Variants in GRID1 observed in about 807,000 individuals in gnomAD.
GRID1 encodes glutamate ionotropic receptor delta type subunit 1, also known as glutamate receptor ionotropic, delta-1.
Under a neutral mutation model 98.0 loss-of-function variants are expected in GRID1, and 28 were observed. That is an observed-to-expected ratio of 0.29 (90% CI 0.21 to 0.39). The LOEUF is 0.39. Ranked by LOEUF, GRID1 falls within the 10% of genes least tolerant of loss-of-function variation. GRID1 has a pLI of 1.00. For synonymous variants in GRID1, 553 were observed against 538.5 expected (o/e 1.03, Z -0.37); for missense variants, 1,111 against 1,340.5 (o/e 0.83, Z 2.67).
At position 86,294,602 on chromosome 10, in the gene GRID1, G is replaced by A. The variant is rs111760595; in HGVS notation, c.235+69339C>T. 5.9e-5 allele frequency among the ~76,000 whole-genome samples: 9 copies of A among 152,304 alleles called. 1 individual carries two copies. The highest frequency in any genetic ancestry group is 2.2e-4 in the African/African-American group (9 of 41,570). ...CCTGAGCACTGGAGGGAGGGCAGAT[G>A]GAGAAGCCTCACGGGGGCTGGTGTG... On this transcript the variant is annotated intron_variant, in intron 2 of 15. Coordinates refer to ENST00000327946, the MANE Select transcript of GRID1 (RefSeq NM_017551.3).
chr10:85,837,249 C>T (rs1261961366), intron 8 of GRID1, among the ~76,000 whole-genome samples: 2 of 152,196 alleles, frequency 1.3e-5, no homozygotes, highest in South Asian at 4.1e-4. Flanking sequence ...AGAGAAAGCA[C>T]CCAGACCTAT....
chr10:85,682,261 T>C (rs954015101), intron 12 of GRID1, among the ~76,000 whole-genome samples: 11 of 152,118 alleles, frequency 7.2e-5, no homozygotes, highest in Admixed American at 2.0e-4. Flanking sequence ...TTTCCTTCAG[T>C]GAAATGGAAA....
chr10:86,202,010 C>T (rs1197815714), intron 3 of GRID1, among the ~76,000 whole-genome samples: 3 of 152,142 alleles, frequency 2.0e-5, no homozygotes, highest in Non-Finnish European at 4.4e-5. Context: ...ACATATACAT[C>T]GTAACCATGT....
chr10:86,164,404 C>A (rs1472966062), intron 3 of GRID1, among the ~76,000 whole-genome samples: 22 of 152,294 alleles, frequency 1.4e-4, no homozygotes. Flanking sequence ...CAGCCCTGAA[C>A]CCCGCAGCCT....
intron 13 of GRID1, chr10:85,646,361 C>T (rs1419402791): frequency 1.3e-5 from 2 of 152,428 alleles, no homozygotes; most frequent in African/African-American, 4.8e-5. Context: ...AGGACCCCAC[C>T]ACCAGCAGCA....
chr10:86,245,240 G>A (rs780892097), intron 2 of GRID1, among the ~76,000 whole-genome samples: 1 of 152,172 alleles, frequency 6.6e-6, no homozygotes, highest in Non-Finnish European at 1.5e-5. Context: ...GACACTACCC[G>A]CCTGCTTCTC....
chr10:85,886,285 C>A (rs1001446220), intron 5 of GRID1, among the ~76,000 whole-genome samples: 2 of 152,200 alleles, frequency 1.3e-5, no homozygotes, highest in South Asian at 4.1e-4. Flanking sequence ...CATCACACTG[C>A]AAAGATCAGG....
At chr10:85,885,013 A>G (rs1841092114) in intron 5 of GRID1, among the ~76,000 whole-genome samples, 1 of 152,224 alleles carries the variant, frequency 6.6e-6, no homozygotes, top group Non-Finnish European at 1.5e-5. Flanking sequence ...TTAATAAAAG[A>G]TTTCTGTGAA....
intron 4 of GRID1, among the ~76,000 whole-genome samples, chr10:85,999,081 T>C (rs1395438071): frequency 6.6e-6 from 1 of 151,884 alleles, no homozygotes; most frequent in Non-Finnish European, 1.5e-5. Context: ...GATGTGGTGG[T>C]GCACGTCTAT....
intron 4 of GRID1, among the ~76,000 whole-genome samples, chr10:85,994,405 G>A (rs185410278): frequency 2.0e-5 from 3 of 152,114 alleles, no homozygotes; most frequent in African/African-American, 7.2e-5. Flanking sequence ...TTAAAATCCA[G>A]CCCATTAACA....
intron 4 of GRID1, among the ~76,000 whole-genome samples, chr10:86,014,757 G>A (rs906047283): frequency 2.6e-5 from 4 of 152,174 alleles, no homozygotes; most frequent in Admixed American, 6.5e-5. Context: ...TTTTCAGGCT[G>A]GGCACTATTC....
intron 2 of GRID1, among the ~76,000 whole-genome samples, chr10:86,260,538 G>A (rs1004818424): frequency 2.0e-5 from 3 of 152,190 alleles, no homozygotes; most frequent in African/African-American, 7.2e-5. Context: ...TCCTCATAGG[G>A]ATGCAGACAG....
chr10:86,282,304 T>C (rs746902442), intron 2 of GRID1, among the ~76,000 whole-genome samples: 22 of 152,266 alleles, frequency 1.4e-4, no homozygotes, highest in Non-Finnish European at 2.2e-4. Flanking sequence ...GGGCAAATCA[T>C]TGGACCTCTC....
chr10:85,761,584 C>T (rs1564582241), intron 8 of GRID1, among the ~76,000 whole-genome samples: 1 of 152,150 alleles, frequency 6.6e-6, no homozygotes. Context: ...CCAACCTAAC[C>T]CAGCATCATC....
intron 2 of GRID1, among the ~76,000 whole-genome samples, chr10:86,358,300 G>A (rs1189481979): frequency 6.6e-6 from 1 of 152,200 alleles, no homozygotes; most frequent in Non-Finnish European, 1.5e-5. Flanking sequence ...AGGGTGGAAG[G>A]AAAGTGGAGG....
intron 12 of GRID1, among the ~76,000 whole-genome samples, chr10:85,694,354 GA>G (rs1219830068): frequency 2.0e-5 from 3 of 151,752 alleles, no homozygotes; most frequent in African/African-American, 7.3e-5. Context: ...AACATCTATG[GA>G]AAACTGTATG....
At chr10:85,738,829 G>A (rs2132670354) in intron 8 of GRID1, among the ~76,000 whole-genome samples, 1 of 152,306 alleles carries the variant, frequency 6.6e-6, no homozygotes, top group South Asian at 2.1e-4. Flanking sequence ...ATCAATGTTT[G>A]TCTGGAGGTG....
intron 3 of GRID1, among the ~76,000 whole-genome samples, chr10:86,148,952 G>A (rs1449615323): frequency 1.3e-5 from 2 of 152,126 alleles, no homozygotes; most frequent in Non-Finnish European, 2.9e-5. Flanking sequence ...TTCCTCCTAG[G>A]AGACCTTAGA....
chr10:85,783,054 C>G (rs904761080), intron 8 of GRID1, among the ~76,000 whole-genome samples: 1 of 152,182 alleles, frequency 6.6e-6, no homozygotes, highest in Non-Finnish European at 1.5e-5. Flanking sequence ...CTAGGAGTCA[C>G]AGTTGGCACA....
Sources: gnomAD v4.1 joint callset for allele counts (sites outside exome capture counted in the v4.1 genomes callset) on GRCh38, gnomAD v4.1.1 for gene constraint, MANE v1.5 for transcripts, NCBI Gene and HGNC (gene_info 2026-07-23, HGNC 2026-07-21) for gene names.